The following INPP5F variants were observed in gnomAD, a reference collection of about 807,000 sequenced individuals.
INPP5F encodes phosphatidylinositide 4-phosphatase SAC2.
INPP5F carries 97 observed loss-of-function variants against 137.2 expected under a neutral mutation model. That is an observed-to-expected ratio of 0.71 (90% CI 0.60 to 0.84). INPP5F has a LOEUF of 0.84. Among genes scored for constraint, INPP5F ranks in the 40% least tolerant of loss-of-function variants. INPP5F has a pLI of 0.00. For missense variants in INPP5F, 1,271 were observed against 1,371.9 expected (o/e 0.93, Z 1.16); for synonymous variants, 504 against 476.9 (o/e 1.06, Z -0.74).
intron 2 of INPP5F, among the ~76,000 whole-genome samples, chr10:119,772,854 A>G (rs972118805): frequency 1.3e-5 from 2 of 151,654 alleles, no homozygotes; most frequent in African/African-American, 4.8e-5. Flanking sequence ...GGTTCAAGCA[A>G]TTCTCCTGCC....
At chr10:119,790,273 G>A (rs1298002698) in intron 3 of INPP5F, among the ~76,000 whole-genome samples, 1 of 152,110 alleles carries the variant, frequency 6.6e-6, no homozygotes, top group Non-Finnish European at 1.5e-5. Context: ...CTCTCCTTCC[G>A]TGTCACCTGG....
At chr10:119,728,643 C>G (rs1847959841) in intron 1 of INPP5F, among the ~76,000 whole-genome samples, 1 of 152,146 alleles carries the variant, frequency 6.6e-6, no homozygotes, top group East Asian at 1.9e-4. Context: ...ATTGAACAAC[C>G]TGAAACAAGA....
At chr10:119,767,594 G>C (rs959542000) in intron 2 of INPP5F, among the ~76,000 whole-genome samples, 1 of 152,150 alleles carries the variant, frequency 6.6e-6, no homozygotes, top group Non-Finnish European at 1.5e-5. Flanking sequence ...TAACAAATGA[G>C]TAGACTTAAT....
chr10:119,790,060 T>TG (rs889609966), intron 3 of INPP5F, among the ~76,000 whole-genome samples: 3 of 30,828 alleles, frequency 9.7e-5, no homozygotes, highest in African/African-American at 2.6e-4. Context: ...GGGGGTGGGG[T>TG]GGGGGGCGAG....
intron 1 of INPP5F, among the ~76,000 whole-genome samples, chr10:119,738,531 C>T (rs927906629): frequency 2.0e-5 from 3 of 152,168 alleles, no homozygotes; most frequent in South Asian, 2.1e-4. Flanking sequence ...ATATCTACTA[C>T]TAAGGGCATT....
intron 18 of INPP5F, 47 bp downstream of exon 18, chr10:119,823,246 A>G: frequency 6.3e-7 from 1 of 1,585,670 alleles, no homozygotes; most frequent in Non-Finnish European, 8.6e-7. Context: ...CTTTCTATTT[A>G]TTCTTAAAAG....
rs776904524 is a variant in INPP5F, at chr10:119,827,440, C to A, written c.3059C>A (p.Ala1020Glu). 5.0e-6 allele frequency: 8 copies of A among 1,614,074 alleles called. No homozygotes were observed. The South Asian group carries it at 8.8e-5, about 18-fold the overall frequency. Residue 1020 changes from alanine (A) to glutamate (E), a missense_variant, in exon 20 of 20, where the codon GCA (alanine) becomes GAA (glutamate). Transcript: ENST00000650623. The stretch of plus-strand genomic sequence containing the variant: ...TCGCAATTAGATGTCTCTCTTTCTG[C>A]AACAGGCCCACAGTTTTTGTCAGTT... ...RPSQLDVSLSATGPQFLSVEP... is the reference protein window; with the variant it reads ...RPSQLDVSLSETGPQFLSVEP...
chr10:119,823,190 G>A lies in INPP5F; in HGVS notation c.2152G>A (p.Asp718Asn). Reference protein sequence around the residue: ...LRAVMRNPEEDGKDTLQCIAE... With the variant: ...LRAVMRNPEENGKDTLQCIAE... ...AGCTGTAATGCGTAATCCTGAAGAGGATGGAAAAGGTAAAAAGAGGAAGAG... is the reference window on the plus strand; with the variant it reads ...AGCTGTAATGCGTAATCCTGAAGAGAATGGAAAAGGTAAAAAGAGGAAGAG... The change falls in exon 18 of 20, where the codon GAT becomes AAT. Residue 718 changes from aspartate (D) to asparagine (N), a missense_variant. Physicochemically the swap from Asp to Asn is conservative, Grantham distance 23 (BLOSUM62 1). This residue lies in a region of INPP5F where 593 missense variants were observed against 712.4 expected (regional missense o/e 0.83). Coordinates refer to ENST00000650623, the MANE Select transcript of INPP5F (RefSeq NM_014937.4). 1 of 1,612,180 alleles carries A rather than the reference G, an allele frequency of 6.2e-7. No individual in the cohort carries two copies. Among genetic ancestry groups the A allele is most frequent in the Non-Finnish European group, 8.5e-7 (1 of 1,179,478 alleles).
Position 119,726,313 on chromosome 10 carries a change from C to A in INPP5F, c.51C>A (p.Arg17=). 2 of 1,482,796 alleles carry A rather than the reference C, an allele frequency of 1.3e-6. No homozygotes were observed. Among genetic ancestry groups the A allele is most frequent in the Non-Finnish European group, 1.8e-6 (2 of 1,115,010 alleles). The allele number at this position is 1,482,796 out of a possible 1,614,324, so 91.9% of individuals were successfully genotyped here. Residue 17 remains arginine (R), a synonymous_variant, in exon 1 of 20, where the codon CGC becomes CGA. Transcript: ENST00000650623. The stretch of plus-strand genomic sequence containing the variant: ...ACTACATCCTGCAGCAGGGCGAGCG[C>A]GCGCTGTGGTGCAGCCGCCGCGACG... The part of the protein sequence containing the change: ...KDHYILQQGE[R]ALWCSRRDGG...
chr10:119,726,298 G>A lies in INPP5F; in HGVS notation c.36G>A (p.Leu12=), dbSNP rs1408643899. 1.9e-5 allele frequency: 28 copies of A among 1,490,100 alleles called. No homozygotes were observed. Among genetic ancestry groups the A allele is most frequent in the Non-Finnish European group, 2.5e-5 (28 of 1,119,212 alleles). 92.3% of individuals were successfully genotyped at this position (1,490,100 alleles called of 1,614,324 possible). A position where few individuals can be genotyped will look rare whatever the true frequency, so the allele number is the denominator to read the frequency against. ...ELFQAKDHYI[L]QQGERALWCS... ...TCCAAGCCAAGGACCACTACATCCTGCAGCAGGGCGAGCGCGCGCTGTGGT... is the reference window on the plus strand; with the variant it reads ...TCCAAGCCAAGGACCACTACATCCTACAGCAGGGCGAGCGCGCGCTGTGGT... Residue 12 remains leucine (L), a synonymous_variant, in exon 1 of 20, where the codon CTG becomes CTA. Transcript: ENST00000650623.
chr10:119,772,134 G>A (rs1424180124), intron 2 of INPP5F, among the ~76,000 whole-genome samples: 2 of 151,574 alleles, frequency 1.3e-5, no homozygotes, highest in Admixed American at 6.6e-5. Flanking sequence ...TCCTGACCTC[G>A]TGATCTGCCT....
At chr10:119,733,103 A>G (rs1245395616) in intron 1 of INPP5F, among the ~76,000 whole-genome samples, 1 of 152,228 alleles carries the variant, frequency 6.6e-6, no homozygotes, top group Non-Finnish European at 1.5e-5. Context: ...TTTCATGGGT[A>G]ATAGCTGAAA....
rs917868038 is a variant in INPP5F at position 119,828,471 on chromosome 10, A to G, written c.*691A>G. 3 of 152,160 alleles carry G rather than the reference A, an allele frequency of 2.0e-5. No individual in the cohort carries two copies. Among genetic ancestry groups the G allele is most frequent in the Non-Finnish European group, 4.4e-5 (3 of 68,030 alleles). The allele number at this position is 152,160 out of a possible 1,614,324, so 9.4% of individuals were successfully genotyped here. A position where few individuals can be genotyped will look rare whatever the true frequency, so the allele number is the denominator to read the frequency against. ...TGAATACCAGCACCTATTAGGTTTC[A>G]TTTTGCTGTTTTCAGGAATGTAAGA... On this transcript the variant is annotated 3_prime_UTR_variant, in exon 20 of 20. Transcript: ENST00000650623.
chr10:119,795,313 T>G (rs1850327216), intron 6 of INPP5F, among the ~76,000 whole-genome samples: 1 of 150,232 alleles, frequency 6.7e-6, no homozygotes, highest in African/African-American at 2.5e-5. Flanking sequence ...CGCTCCTCAC[T>G]TCCCAGACGG....
chr10:119,732,500 C>CTTTTTTTTTTTTTTTTTTTT (rs59388357), intron 1 of INPP5F, among the ~76,000 whole-genome samples: 33 of 115,550 alleles, frequency 2.9e-4, no homozygotes, highest in East Asian at 7.9e-4. Context: ...TTTCTTTTTT[C>CTTTTTTTTTTTTTTTTTTTT]TTTTTTTTTT....
intron 3 of INPP5F, among the ~76,000 whole-genome samples, chr10:119,784,420 GA>G (rs1436975791): frequency 3.3e-5 from 5 of 152,098 alleles, no homozygotes; most frequent in African/African-American, 9.7e-5. Flanking sequence ...AAGAACATAG[GA>G]AGACTTTGTT....
Position 119,823,918 on chromosome 10 carries a change from C to G in INPP5F, c.2249+16C>G, listed in dbSNP as rs1366987065. On this transcript the variant is annotated intron_variant, in intron 19 of 19. Transcript: ENST00000650623. ...AACTTGAGAGGTGAGTATACTGCTTCTCTCAAGAATAAAGGCATTCTTATC... is the reference window on the plus strand; with the variant it reads ...AACTTGAGAGGTGAGTATACTGCTTGTCTCAAGAATAAAGGCATTCTTATC... The G allele has an allele frequency of 6.4e-7, 1 of 1,574,064 alleles. No homozygotes were observed. The highest frequency in any genetic ancestry group is 8.7e-7 in the Non-Finnish European group (1 of 1,147,276).
intron 2 of INPP5F, among the ~76,000 whole-genome samples, chr10:119,772,380 G>A (rs1047044664): frequency 5.3e-5 from 8 of 152,060 alleles, no homozygotes; most frequent in African/African-American, 1.9e-4. Context: ...ATTACCGAGA[G>A]GAAAACCTAT....
intron 2 of INPP5F, among the ~76,000 whole-genome samples, chr10:119,754,282 G>C (rs1319231878): frequency 6.6e-6 from 1 of 152,240 alleles, no homozygotes; most frequent in African/African-American, 2.4e-5. Flanking sequence ...CCCAGAAGCT[G>C]TCTCCTACAA....
Sources: allele counts gnomAD v4.1 joint callset (sites outside exome capture counted in the v4.1 genomes callset), GRCh38; gene constraint gnomAD v4.1.1; regional missense constraint gnomAD v4.1.1; transcripts MANE v1.5; gene names NCBI Gene and HGNC (gene_info 2026-07-23, HGNC 2026-07-21).